Variants in TFRC observed in about 807,000 individuals in gnomAD.
The protein encoded by TFRC is transferrin receptor.
In TFRC, 35 loss-of-function variants were observed where a neutral mutation model predicts 85.8. The observed-to-expected ratio is 0.41, with a 90% CI of 0.31 to 0.54. TFRC has a LOEUF of 0.54. Among genes scored for constraint, TFRC ranks in the 20% least tolerant of loss-of-function variants. The pLI, the probability that TFRC is intolerant of heterozygous loss-of-function variation, is 0.31. For synonymous variants in TFRC, 362 were observed against 328.6 expected, an observed-to-expected ratio of 1.10 and a Z score of -1.10; for missense variants, 828 against 921.5, an observed-to-expected ratio of 0.90 and a Z score of 1.31.
In TFRC at chr3:196,067,520, A is replaced by T. The variant is rs201264476; in HGVS notation, c.1038T>A (p.Phe346Leu). ...ACCGCTTTCAAATAAAAACTTACCC[A>T]AACAGCTTTTCTGCAGCAGCTCTGG... ...TISRAAAEKL[F>L]GNMEGDCPSD... The change falls in exon 9 of 19, where the codon TTT becomes TTA. Residue 346 changes from phenylalanine (F) to leucine (L), a missense_variant and splice_region_variant. By Grantham distance (22) the Phe-to-Leu change is conservative. Coordinates refer to ENST00000360110, the MANE Select transcript of TFRC (RefSeq NM_001128148.3). 1.9e-6 allele frequency: 3 copies of T among 1,613,132 alleles called. No individual in the cohort carries two copies. The highest frequency in any genetic ancestry group is 1.3e-5 in the African/African-American group (1 of 74,906).
chr3:196,065,555 T>C lies in TFRC; in HGVS notation c.1086A>G (p.Thr362=), dbSNP rs146763739. 96 of 1,612,398 alleles carry C rather than the reference T, an allele frequency of 6.0e-5. No homozygotes were observed. In the African/African-American group the frequency reaches 1.0e-3, roughly 17 times the overall value. The change falls in exon 10 of 19, where the codon ACA becomes ACG. Residue 362 remains threonine (T), a synonymous_variant. Coordinates refer to ENST00000360110, the MANE Select transcript of TFRC (RefSeq NM_001128148.3). The part of the protein sequence containing the change: ...DCPSDWKTDS[T]CRMVTSESKN... Reference sequence around the variant, plus strand: ...TGCTTTCTGAGGTTACCATCCTACATGTAGAGTCTGTTTTCCAGTCAGAGG... The same window carrying C: ...TGCTTTCTGAGGTTACCATCCTACACGTAGAGTCTGTTTTCCAGTCAGAGG...
At chr3:196,066,558 T>G (rs951103320) in intron 9 of TFRC, among the ~76,000 whole-genome samples, 8 of 152,226 alleles carry the variant, frequency 5.3e-5, no homozygotes, top group African/African-American at 1.9e-4. Flanking sequence ...TGAAACATTA[T>G]TACTCCCCTA....
At position 196,053,461 on chromosome 3, in the gene TFRC, G is replaced by C. The variant is rs778633565; in HGVS notation, c.1997C>G (p.Thr666Arg). The change falls in exon 18 of 19, where the codon ACA becomes AGA. Residue 666 changes from threonine to arginine, a missense_variant. Transcript: ENST00000360110. ...LTTDFGNAEK[T>R]DRFVMKKLND... is the part of the protein sequence containing the mutation. Reference sequence around the variant, plus strand: ...GAGTTTCTTCATGACAAATCTGTCTGTTTTCTCAGCATTCCCGAAATCTGT... The same window carrying C: ...GAGTTTCTTCATGACAAATCTGTCTCTTTTCTCAGCATTCCCGAAATCTGT... 6 of 1,614,042 alleles carry C rather than the reference G, an allele frequency of 3.7e-6. No individual in the cohort carries two copies. The African/African-American group carries it at 8.0e-5, about 22-fold the overall frequency.
intron 13 of TFRC, among the ~76,000 whole-genome samples, chr3:196,061,324 A>G (rs1479884754): frequency 6.6e-6 from 1 of 152,196 alleles, no homozygotes; most frequent in African/African-American, 2.4e-5. Context: ...TCTCACCTCA[A>G]TATAGTCCAG....
chr3:196,064,206 A>G (rs753404516), intron 11 of TFRC, 103 bp downstream of exon 11: 1 of 1,267,416 alleles, frequency 7.9e-7, no homozygotes, highest in Non-Finnish European at 1.0e-6. Context: ...AGAGTCTAGC[A>G]TGAGAACCAC....
Position 196,053,474 on chromosome 3 carries a change from T to C in TFRC, c.1984A>G (p.Asn662Asp). The change falls in exon 18 of 19, where the codon AAT becomes GAT. Residue 662 changes from asparagine to aspartate, a missense_variant. Transcript: ENST00000360110. The part of the protein sequence containing the change: ...ATSRLTTDFG[N>D]AEKTDRFVMK... Reference sequence around the variant, plus strand: ...ACAAATCTGTCTGTTTTCTCAGCATTCCCGAAATCTGTTGTTAGTCTGGAA... The same window carrying C: ...ACAAATCTGTCTGTTTTCTCAGCATCCCCGAAATCTGTTGTTAGTCTGGAA... 1 of 1,614,222 alleles carries C rather than the reference T, an allele frequency of 6.2e-7. No homozygotes were observed. Among genetic ancestry groups the C allele is most frequent in the Non-Finnish European group, 8.5e-7 (1 of 1,180,028 alleles).
At chr3:196,079,524 G>C (rs143815182) in intron 1 of TFRC, among the ~76,000 whole-genome samples, 173 of 152,276 alleles carry the variant, frequency 1.1e-3, no homozygotes, top group African/African-American at 4.1e-3. Flanking sequence ...TGAGGCAGGA[G>C]AATCACTTGA....
chr3:196,059,200 G>GC (rs1717069388), intron 14 of TFRC, among the ~76,000 whole-genome samples: 1 of 152,114 alleles, frequency 6.6e-6, no homozygotes, highest in Non-Finnish European at 1.5e-5. Context: ...TGTAGTCCCA[G>GC]CTCCTCAGGA....
chr3:196,076,869 C>T (rs1718749059), intron 2 of TFRC, among the ~76,000 whole-genome samples, 195 bp downstream of exon 2: 1 of 152,160 alleles, frequency 6.6e-6, no homozygotes, highest in African/African-American at 2.4e-5. Flanking sequence ...GAGAATTCTT[C>T]CAAGACTTTC....
chr3:196,079,096 GC>G (rs1560093980), intron 1 of TFRC, among the ~76,000 whole-genome samples: 1 of 152,048 alleles, frequency 6.6e-6, no homozygotes, highest in African/African-American at 2.4e-5. Context: ...GAGCCACTGC[GC>G]CCAGCCAGAA....
intron 14 of TFRC, among the ~76,000 whole-genome samples, chr3:196,059,208 G>A (rs540128781): frequency 6.4e-4 from 97 of 152,256 alleles, no homozygotes; most frequent in African/African-American, 2.3e-3. Context: ...CAGCTCCTCA[G>A]GAGGCTGAGG....
Position 196,072,062 on chromosome 3 carries a change from T to C in TFRC, c.525A>G (p.Glu175=), listed in dbSNP as rs906844711. ...CACGCCAGACTTTGCTGAGTTTAAA[T>C]TCACGAAATTGATTTTCAACATACA... is the stretch of plus-strand genomic sequence containing the variant. ...LALYVENQFR[E]FKLSKVWRDQ... The change falls in exon 5 of 19, where the codon GAA becomes GAG. Residue 175 remains glutamate (E), a synonymous_variant. Coordinates refer to ENST00000360110, the MANE Select transcript of TFRC (RefSeq NM_001128148.3). 8.7e-6 allele frequency: 14 copies of C among 1,614,208 alleles called. No homozygotes were observed. Among genetic ancestry groups the C allele is most frequent in the Non-Finnish European group, 1.2e-5 (14 of 1,180,044 alleles).
At chr3:196,064,686 G>GT (rs1717569263) in intron 10 of TFRC, among the ~76,000 whole-genome samples, 1 of 152,104 alleles carries the variant, frequency 6.6e-6, no homozygotes, top group Non-Finnish European at 1.5e-5. Context: ...TTATTTCTTA[G>GT]TAAGTGTTGG....
At chr3:196,056,445 G>A (rs555459369) in intron 16 of TFRC, among the ~76,000 whole-genome samples, 68 of 152,338 alleles carry the variant, frequency 4.5e-4, no homozygotes, top group African/African-American at 1.5e-3. Context: ...TGTTGCCCAG[G>A]CTAGAGTGCA....
Position 196,049,367 on chromosome 3 carries a change from A to C in TFRC, c.*2575T>G, listed in dbSNP as rs190379777. The C allele has an allele frequency of 8.5e-5, 17 of 199,088 alleles. No homozygotes were observed. The Admixed American group carries it at 1.0e-3, about 12-fold the overall frequency. The allele number at this position is 199,088 out of a possible 1,614,324, so 12.3% of individuals were successfully genotyped here. A position where few individuals can be genotyped will look rare whatever the true frequency, so the allele number is the denominator to read the frequency against. On this transcript the variant is annotated 3_prime_UTR_variant, in exon 19 of 19. Coordinates refer to ENST00000360110, the MANE Select transcript of TFRC (RefSeq NM_001128148.3). ...AGCTTTTATACAATGATAAGGACAT[A>C]TCATTTGTTTACAAAGAAAGTCTAA...
intron 13 of TFRC, among the ~76,000 whole-genome samples, chr3:196,060,797 CAAAAA>C (rs1173946134): frequency 1.1e-3 from 39 of 36,944 alleles, no homozygotes; most frequent in Middle Eastern, 0.024. Context: ...GACTCCATCT[CAAAAA>C]AAAAAAAAAA....
intron 4 of TFRC, 60 bp from the exon 5 acceptor site, chr3:196,072,212 C>A: frequency 6.3e-7 from 1 of 1,583,806 alleles, no homozygotes; most frequent in South Asian, 1.1e-5. Flanking sequence ...ACATTTAAGT[C>A]AAGGATTAAA....
intron 14 of TFRC, chr3:196,059,002 T>TA (rs902468106): frequency 1.9e-3 from 271 of 139,404 alleles, no homozygotes; most frequent in East Asian, 7.1e-3. Flanking sequence ...CTTTATCTCT[T>TA]AAAAAAAAAA....
chr3:196,062,589 C>A lies in TFRC; in HGVS notation c.1461G>T (p.Ala487=), dbSNP rs377577971. 11 of 1,607,002 alleles carry A rather than the reference C, an allele frequency of 6.8e-6. No individual in the cohort carries two copies. Among genetic ancestry groups the A allele is most frequent in the Non-Finnish European group, 9.3e-6 (11 of 1,178,014 alleles). Reference sequence around the variant, plus strand: ...AATGAAAGGGATACTTACCAAGAACCGCTTTATCCAGATTAATATAAGTGA... The same window carrying A: ...AATGAAAGGGATACTTACCAAGAACAGCTTTATCCAGATTAATATAAGTGA... ...KAFTYINLDK[A]VLGTSNFKVS... is the part of the protein sequence containing the mutation. Residue 487 remains alanine, a synonymous_variant, in exon 13 of 19, where the codon GCG becomes GCT. Coordinates refer to ENST00000360110, the MANE Select transcript of TFRC (RefSeq NM_001128148.3).
Sources: gnomAD v4.1 joint callset for allele counts (sites outside exome capture counted in the v4.1 genomes callset) on GRCh38, gnomAD v4.1.1 for gene constraint, MANE v1.5 for transcripts, NCBI Gene and HGNC (gene_info 2026-07-23, HGNC 2026-07-21) for gene names.